The following FRMPD4 variants were observed in gnomAD, a reference collection of about 807,000 sequenced individuals.
The protein encoded by FRMPD4 is FERM and PDZ domain-containing protein 4.
Under a neutral mutation model 94.1 loss-of-function variants are expected in FRMPD4, and 22 were observed. The ratio of observed to expected loss-of-function variants is 0.23; its 90% CI spans 0.17 to 0.33. The LOEUF (loss-of-function observed/expected upper bound fraction) is 0.33. Among genes scored for constraint, FRMPD4 ranks in the 10% least tolerant of loss-of-function variants. The pLI is 1.00. For missense variants in FRMPD4, 1,111 were observed against 1,339.9 expected (o/e 0.83, Z 2.67); for synonymous variants, 631 against 548.6 (o/e 1.15, Z -2.10).
At chrX:12,269,311 A>G (rs911033388) in intron 1 of FRMPD4, among the ~76,000 whole-genome samples, 2 of 109,172 alleles carry the variant, frequency 1.8e-5, no homozygotes, top group South Asian at 4.1e-4. Flanking sequence ...TTGGAACAAT[A>G]CTTACCTCCT....
At chrX:12,166,099 T>C (rs1473070235) in intron 1 of FRMPD4, among the ~76,000 whole-genome samples, 2 of 111,244 alleles carry the variant, frequency 1.8e-5, no homozygotes, top group Non-Finnish European at 1.9e-5. Flanking sequence ...TGAATAGGAG[T>C]GGTGAGAGAG....
chrX:12,715,979 A>C, intron 14 of FRMPD4, 90 bp from the exon 15 acceptor site: 1 of 480,561 alleles, frequency 2.1e-6, no homozygotes, highest in Non-Finnish European at 3.6e-6. Context: ...CAAGCCATTA[A>C]GTTAAAAAAC....
chrX:12,222,699 T>G (rs764996848), intron 1 of FRMPD4, among the ~76,000 whole-genome samples: 1 of 112,457 alleles, frequency 8.9e-6, no homozygotes, highest in East Asian at 2.8e-4. Context: ...GCTTTCTGTC[T>G]TTATAATTTT....
rs934499290 is a variant in FRMPD4, at chrX:12,679,433, G to A, written c.469-4050G>A. On this transcript the variant is annotated intron_variant, in intron 5 of 16. Transcript: ENST00000675598. ...ACCAGACAGAGAGGTTAGAGCCTGT[G>A]GGCAAATGCCTTTATCGGGGGTCAG... is the stretch of plus-strand genomic sequence containing the variant. 2.6e-4 allele frequency among the ~76,000 whole-genome samples: 29 copies of A among 111,880 alleles called. 1 individual carries two copies. Among genetic ancestry groups the A allele is most frequent in the Admixed American group, 1.2e-3 (13 of 10,543 alleles).
intron 3 of FRMPD4, among the ~76,000 whole-genome samples, chrX:11,903,828 A>G (rs1450500141): frequency 8.9e-6 from 1 of 111,774 alleles, no homozygotes; most frequent in Non-Finnish European, 1.9e-5. Context: ...TTGCCTGGCT[A>G]GAGTGCAGTA....
intron 1 of FRMPD4, among the ~76,000 whole-genome samples, chrX:12,347,091 C>T (rs761838496): frequency 8.9e-6 from 1 of 111,799 alleles, no homozygotes; most frequent in South Asian, 3.8e-4. Context: ...TTTCTTCAGA[C>T]TGGGCACAGG....
intron 3 of FRMPD4, among the ~76,000 whole-genome samples, chrX:11,964,328 T>A (rs2054299459): frequency 1.8e-5 from 2 of 110,191 alleles, no homozygotes; most frequent in Admixed American, 1.9e-4. Context: ...CCTGGCTAAT[T>A]TTTTTGTATT....
intron 1 of FRMPD4, among the ~76,000 whole-genome samples, chrX:11,836,883 G>GT (rs1326232481): frequency 4.5e-5 from 5 of 111,731 alleles, no homozygotes; most frequent in Non-Finnish European, 7.5e-5. Context: ...TTCTTATTAG[G>GT]TTTTGAAAGC....
At chrX:12,465,539 G>T (rs1050031719) in intron 1 of FRMPD4, among the ~76,000 whole-genome samples, 6 of 111,487 alleles carry the variant, frequency 5.4e-5, no homozygotes, top group Admixed American at 4.8e-4. Flanking sequence ...CCATTGGTTA[G>T]AAAACTCTCA....
intron 3 of FRMPD4, among the ~76,000 whole-genome samples, chrX:12,110,204 C>A (rs2055344466): frequency 3.6e-5 from 4 of 112,218 alleles, no homozygotes; most frequent in Admixed American, 2.8e-4. Flanking sequence ...AGCAACACAT[C>A]AAAAAGCTTA....
chrX:12,716,842 G>A lies in FRMPD4; in HGVS notation c.2383G>A (p.Glu795Lys), dbSNP rs1305085112. 8.3e-7 allele frequency: 1 copy of A among 1,210,366 alleles called. No homozygotes were observed. The highest frequency in any genetic ancestry group is 1.7e-5 in the African/African-American group (1 of 57,268). ...GCCCCCTCCAGAAGGTGATGACAAT[G>A]AGGATGACTTCCTGTTGCGTTCCTT... is the stretch of plus-strand genomic sequence containing the variant. The part of the protein sequence containing the change: ...SLPPPEGDDN[E>K]DDFLLRSLNM... The change falls in exon 15 of 17, where the codon GAG (glutamate) becomes AAG (lysine). Residue 795 changes from glutamate to lysine, a missense_variant. This residue lies in a region of FRMPD4 where 74 missense variants were observed against 93.9 expected (regional missense o/e 0.79). Coordinates refer to ENST00000675598, the MANE Select transcript of FRMPD4 (RefSeq NM_001368397.1).
At chrX:12,659,843 C>T (rs764253827) in intron 4 of FRMPD4, among the ~76,000 whole-genome samples, 1 of 112,456 alleles carries the variant, frequency 8.9e-6, no homozygotes, top group East Asian at 2.8e-4. Flanking sequence ...AGACAATATT[C>T]ATTCAGCAAA....
chrX:12,569,330 A>T (rs970091790), intron 2 of FRMPD4, among the ~76,000 whole-genome samples: 2 of 112,236 alleles, frequency 1.8e-5, no homozygotes, highest in Non-Finnish European at 3.8e-5. Context: ...AAATTTCAGT[A>T]TAGAAAATTA....
chrX:12,259,414 C>T (rs1329858457), intron 1 of FRMPD4, among the ~76,000 whole-genome samples: 1 of 111,485 alleles, frequency 9.0e-6, no homozygotes, highest in Non-Finnish European at 1.9e-5. Flanking sequence ...TGGAGTGATG[C>T]AGCTGCAAGC....
intron 1 of FRMPD4, among the ~76,000 whole-genome samples, chrX:12,165,586 G>T (rs1217603270): frequency 2.7e-5 from 3 of 112,017 alleles, no homozygotes; most frequent in Non-Finnish European, 5.6e-5. Flanking sequence ...ATTCTGTGAA[G>T]AAAGTCATTG....
chrX:12,652,005 T>C (rs1408888983), intron 4 of FRMPD4, among the ~76,000 whole-genome samples: 3 of 112,639 alleles, frequency 2.7e-5, no homozygotes, highest in East Asian at 5.6e-4. Flanking sequence ...CCCAGTTCAC[T>C]GAATTCCTTT....
chrX:11,843,015 G>A (rs1362251706), intron 1 of FRMPD4, among the ~76,000 whole-genome samples: 1 of 111,846 alleles, frequency 8.9e-6, no homozygotes, highest in Non-Finnish European at 1.9e-5. Context: ...ATGAATAGGT[G>A]GTAGATTTTG....
chrX:12,479,970 A>G (rs1254438340), intron 1 of FRMPD4, among the ~76,000 whole-genome samples: 2 of 110,804 alleles, frequency 1.8e-5, no homozygotes, highest in African/African-American at 6.6e-5. Context: ...GCAAGTGTAC[A>G]TTTTGATCAT....
At chrX:12,302,339 TAAAC>T (rs2054873803) in intron 1 of FRMPD4, among the ~76,000 whole-genome samples, 1 of 112,327 alleles carries the variant, frequency 8.9e-6, no homozygotes, top group Non-Finnish European at 1.9e-5. Flanking sequence ...TTTTTCAAAC[TAAAC>T]AATTTATTAA....
Sources: gnomAD v4.1 joint callset for allele counts (sites outside exome capture counted in the v4.1 genomes callset) on GRCh38, gnomAD v4.1.1 for gene constraint, gnomAD v4.1.1 regional missense constraint, MANE v1.5 for transcripts, NCBI Gene and HGNC (gene_info 2026-07-23, HGNC 2026-07-21) for gene names.